Variants in RGS7 observed in about 807,000 individuals in gnomAD.
RGS7 encodes the protein regulator of G-protein signaling 7.
In RGS7, 27 loss-of-function variants were observed where a neutral mutation model predicts 81.1. The ratio of observed to expected loss-of-function variants is 0.33; its 90% confidence interval spans 0.25 to 0.46. The LOEUF (loss-of-function observed/expected upper bound fraction) is 0.46, where lower values mean the gene tolerates loss of function less well. Among genes scored for constraint, RGS7 ranks in the 20% least tolerant of loss-of-function variants. RGS7 has a pLI of 1.00. For synonymous variants in RGS7, 208 were observed against 207.7 expected, an observed-to-expected ratio of 1.00 and a Z score of -0.01; for missense variants, 396 against 607.4, an observed-to-expected ratio of 0.65 and a Z score of 3.66.
At chr1:241,045,134 A>C (rs1044511232) in intron 3 of RGS7, among the ~76,000 whole-genome samples, 4 of 152,170 alleles carry the variant, frequency 2.6e-5, no homozygotes, top group African/African-American at 9.7e-5. Flanking sequence ...CTCTTCATTC[A>C]GAACAGTAGA....
At chr1:241,317,152 G>T (rs1489299742) in intron 2 of RGS7, among the ~76,000 whole-genome samples, 1 of 152,200 alleles carries the variant, frequency 6.6e-6, no homozygotes, top group African/African-American at 2.4e-5. Context: ...GGAGCCCAGA[G>T]ATGGGAAGAA....
intron 2 of RGS7, among the ~76,000 whole-genome samples, chr1:241,182,500 C>T (rs12029281): frequency 0.058 from 8,818 of 152,214 alleles, 345 homozygotes; most frequent in East Asian, 0.22. Context: ...ATAATTCACA[C>T]GCTCAGGTGC....
intron 3 of RGS7, among the ~76,000 whole-genome samples, chr1:241,053,644 T>C (rs553940066): frequency 2.6e-5 from 4 of 152,308 alleles, no homozygotes; most frequent in African/African-American, 9.6e-5. Context: ...GTGCAAAAAG[T>C]ATATACTAGA....
chr1:241,347,155 C>T (rs568154792), intron 2 of RGS7, among the ~76,000 whole-genome samples: 1 of 152,274 alleles, frequency 6.6e-6, no homozygotes, highest in African/African-American at 2.4e-5. Flanking sequence ...TTCTTGACAT[C>T]TTCTACCAAT....
intron 2 of RGS7, among the ~76,000 whole-genome samples, chr1:241,244,274 A>G (rs1412957993): frequency 1.3e-5 from 2 of 152,218 alleles, no homozygotes; most frequent in Non-Finnish European, 2.9e-5. Context: ...AAAAACAAAC[A>G]ACCCCACCAA....
At chr1:241,205,516 A>G (rs2073822029) in intron 2 of RGS7, among the ~76,000 whole-genome samples, 2 of 151,220 alleles carry the variant, frequency 1.3e-5, no homozygotes, top group Non-Finnish European at 2.9e-5. Context: ...GCTGGAGTGC[A>G]CTGACACGAC....
chr1:241,269,042 G>A (rs1269772381), intron 2 of RGS7, among the ~76,000 whole-genome samples: 2 of 152,178 alleles, frequency 1.3e-5, no homozygotes, highest in African/African-American at 4.8e-5. Context: ...AATTTCTTCA[G>A]TAGTTATTCT....
chr1:240,870,253 A>G (rs1572512846), intron 6 of RGS7, 134 bp from the exon 7 acceptor site: 2 of 747,998 alleles, frequency 2.7e-6, no homozygotes, highest in African/African-American at 3.5e-5. Flanking sequence ...TTAGACAAAA[A>G]ATAATTATGT....
At chr1:240,947,264 C>T (rs1014888083) in intron 4 of RGS7, among the ~76,000 whole-genome samples, 1 of 152,134 alleles carries the variant, frequency 6.6e-6, no homozygotes, top group Non-Finnish European at 1.5e-5. Context: ...AATAAGCTTT[C>T]CTATAAATGT....
intron 2 of RGS7, among the ~76,000 whole-genome samples, chr1:241,242,483 G>A (rs1346715223): frequency 7.9e-5 from 12 of 152,180 alleles, no homozygotes; most frequent in Non-Finnish European, 1.5e-5. Context: ...TTTCCTCTGG[G>A]TAGATAAGCA....
intron 3 of RGS7, chr1:240,998,728 C>T (rs938458969): frequency 1.7e-4 from 152 of 914,474 alleles, no homozygotes; most frequent in Non-Finnish European, 2.6e-4. Flanking sequence ...TTCTCCGTGA[C>T]GGTCACCTCA....
intron 9 of RGS7, among the ~76,000 whole-genome samples, chr1:240,829,572 C>A (rs1693454303): frequency 6.6e-6 from 1 of 152,102 alleles, no homozygotes; most frequent in African/African-American, 2.4e-5. Flanking sequence ...GCCTTCCATC[C>A]CTAAGCCTGA....
chr1:240,995,470 T>A (rs558372914), intron 3 of RGS7, among the ~76,000 whole-genome samples: 1 of 152,200 alleles, frequency 6.6e-6, no homozygotes, highest in African/African-American at 2.4e-5. Flanking sequence ...ATTTTGTTTT[T>A]AGAGATTTCT....
chr1:240,884,979 A>C (rs1667096097), intron 6 of RGS7, among the ~76,000 whole-genome samples: 1 of 152,198 alleles, frequency 6.6e-6, no homozygotes, highest in Admixed American at 6.5e-5. Context: ...CCTATAGAAT[A>C]GGAGAAAATA....
intron 3 of RGS7, among the ~76,000 whole-genome samples, chr1:241,056,382 C>T (rs2061479433): frequency 6.6e-6 from 1 of 152,104 alleles, no homozygotes; most frequent in South Asian, 2.1e-4. Context: ...TAGCACTGTA[C>T]CCATCTCATC....
At chr1:241,127,854 T>C (rs967434543) in intron 2 of RGS7, among the ~76,000 whole-genome samples, 6 of 152,158 alleles carry the variant, frequency 3.9e-5, no homozygotes, top group Non-Finnish European at 7.3e-5. Flanking sequence ...ATTTAGTATA[T>C]TTCAGAAAGA....
At chr1:241,067,482 T>C (rs1274309743) in intron 3 of RGS7, among the ~76,000 whole-genome samples, 1 of 151,726 alleles carries the variant, frequency 6.6e-6, no homozygotes, top group Non-Finnish European at 1.5e-5. Flanking sequence ...ACTCAGCTAG[T>C]AGAACATTCA....
At chr1:241,016,516 C>CA (rs1450239950) in intron 3 of RGS7, among the ~76,000 whole-genome samples, 35 of 150,076 alleles carry the variant, frequency 2.3e-4, no homozygotes, top group Admixed American at 5.3e-4. Flanking sequence ...GACTCAATCT[C>CA]AAAAAAACAC....
At chr1:240,842,735 T>G (rs1224924892) in intron 9 of RGS7, among the ~76,000 whole-genome samples, 1 of 152,022 alleles carries the variant, frequency 6.6e-6, no homozygotes, top group Non-Finnish European at 1.5e-5. Flanking sequence ...TGGAGTTGCA[T>G]TTCCTTTCTT....
Sources: gnomAD v4.1 joint callset for allele counts (sites outside exome capture counted in the v4.1 genomes callset) on GRCh38, gnomAD v4.1.1 for gene constraint, MANE v1.5 for transcripts, NCBI Gene and HGNC (gene_info 2026-07-23, HGNC 2026-07-21) for gene names.